THEM5: variants seen among roughly 807,000 people sequenced by gnomAD.
The protein encoded by THEM5 is thioesterase superfamily member 5.
THEM5 carries 28 observed loss-of-function variants against 24.2 expected under a neutral mutation model. The observed-to-expected ratio is 1.16, with a 90% CI of 0.86 to 1.59. The LOEUF (loss-of-function observed/expected upper bound fraction) is 1.59, where lower values mean the gene tolerates loss of function less well. THEM5 is among the 40% of genes most tolerant of loss of function. The pLI is 0.00. For missense variants in THEM5, 260 were observed against 296.8 expected, an observed-to-expected ratio of 0.88 and a Z score of 0.91; for synonymous variants, 87 against 114.5, an observed-to-expected ratio of 0.76 and a Z score of 1.53.
intron 4 of THEM5, 48 bp downstream of exon 4, chr1:151,848,134 A>G (rs572080684): frequency 8.8e-6 from 14 of 1,589,066 alleles, no homozygotes; most frequent in Non-Finnish European, 1.1e-5. Context: ...ACTTCCAGGG[A>G]TGAAAAGGTC....
chr1:151,852,293 C>A lies in THEM5; in HGVS notation c.290G>T (p.Gly97Val). Residue 97 changes from glycine (G) to valine (V), a missense_variant, in exon 2 of 6, where the codon GGA becomes GTA. Physicochemically the swap from Gly to Val is moderately radical, Grantham distance 109 (BLOSUM62 -3). Transcript: ENST00000368817. ...TGCCAGTCCAGATGGGAGCTTGAGTCCCCGGATGTGGTCTCTGTTGGACTT... is the reference window on the plus strand; with the variant it reads ...TGCCAGTCCAGATGGGAGCTTGAGTACCCGGATGTGGTCTCTGTTGGACTT... ...SFKSNRDHIR[G>V]LKLPSGLAVS... 4 of 1,613,894 alleles carry A rather than the reference C, an allele frequency of 2.5e-6. No homozygotes were observed. Among genetic ancestry groups the A allele is most frequent in the Non-Finnish European group, 3.4e-6 (4 of 1,180,000 alleles).
At chr1:151,851,275 G>T in intron 2 of THEM5, 84 bp from the exon 3 acceptor site, 1 of 1,568,824 alleles carries the variant, frequency 6.4e-7, no homozygotes, top group Non-Finnish European at 8.7e-7. Flanking sequence ...CTTGCCTCTG[G>T]TACAAGATTA....
Position 151,848,222 on chromosome 1 carries a change from C to T in THEM5, c.535G>A (p.Glu179Lys). 6.2e-7 allele frequency: 1 copy of T among 1,614,234 alleles called. No individual in the cohort carries two copies. The highest frequency in any genetic ancestry group is 2.2e-5 in the East Asian group (1 of 44,882). Reference protein sequence around the residue: ...TFSKTAFLAGEGLFTLSLNIR... With the variant: ...TFSKTAFLAGKGLFTLSLNIR... The stretch of plus-strand genomic sequence containing the variant: ...TTGAGACTTAGTGTGAACAGCCCCT[C>T]TCCAGCCAGGAAGGCAGTTTTAGAA... Residue 179 changes from glutamate (E) to lysine (K), a missense_variant, in exon 4 of 6, where the codon GAG becomes AAG. Glu to Lys is a moderately conservative substitution (Grantham distance 56). Coordinates refer to ENST00000368817, the MANE Select transcript of THEM5 (RefSeq NM_182578.4).
In THEM5 at chr1:151,850,985, G is replaced by C; in HGVS notation, c.464+68C>G. The stretch of plus-strand genomic sequence containing the variant: ...AAGATAGAGACTCCAGGGCCAGCCT[G>C]GTGGGTGCTGAACCTGCCCTGCTGA... On this transcript the variant is annotated intron_variant, in intron 3 of 5. Coordinates refer to ENST00000368817, the MANE Select transcript of THEM5 (RefSeq NM_182578.4). 3 of 1,591,170 alleles carry C rather than the reference G, an allele frequency of 1.9e-6. No homozygotes were observed. In the Admixed American group the frequency reaches 5.2e-5, roughly 28 times the overall value.
At position 151,847,172 on chromosome 1, in the gene THEM5, C is replaced by T. The variant is rs1267195637; in HGVS notation, c.*199G>A. ...CGCCTCACCAATTGCTGCTTGAGGA[C>T]CCCTCCCTGCTCTTTGATGGGTCCC... On this transcript the variant is annotated 3_prime_UTR_variant, in exon 6 of 6. Transcript: ENST00000368817. The T allele has an allele frequency of 1.2e-6, 1 of 808,386 alleles. No individual in the cohort carries two copies. Among genetic ancestry groups the T allele is most frequent in the Non-Finnish European group, 2.1e-6 (1 of 466,530 alleles). The allele number at this position is 808,386 out of a possible 1,614,324, so 50.1% of individuals were successfully genotyped here.
In THEM5 at chr1:151,847,513, G is replaced by A. The variant is rs896157067; in HGVS notation, c.701-99C>T. 27 of 1,516,266 alleles carry A rather than the reference G, an allele frequency of 1.8e-5. No individual in the cohort carries two copies. In the African/African-American group the frequency reaches 3.3e-4, roughly 19 times the overall value. 93.9% of individuals were successfully genotyped at this position (1,516,266 alleles called of 1,614,324 possible). A position where few individuals can be genotyped will look rare whatever the true frequency, so the allele number is the denominator to read the frequency against. On this transcript the variant is annotated intron_variant, in intron 5 of 5. Coordinates refer to ENST00000368817, the MANE Select transcript of THEM5 (RefSeq NM_182578.4). ...TTGGCTGCAAATTACCCATTACCTG[G>A]GTCCTGTCCTTTCGTTACAGGTTGG...
intron 3 of THEM5, 103 bp downstream of exon 3, chr1:151,850,950 C>G: frequency 7.0e-7 from 1 of 1,433,502 alleles, no homozygotes; most frequent in Non-Finnish European, 9.4e-7. Context: ...CCTTCCTCAC[C>G]CCTTAGAGAA....
At chr1:151,849,968 A>G (rs760305630) in intron 3 of THEM5, among the ~76,000 whole-genome samples, 4 of 152,180 alleles carry the variant, frequency 2.6e-5, no homozygotes, top group Non-Finnish European at 4.4e-5. Flanking sequence ...AAAGTCAGCC[A>G]TGCTTCAGAA....
At chr1:151,848,328 C>T (rs747019350) in intron 3 of THEM5, 36 bp from the exon 4 acceptor site, 2 of 1,551,822 alleles carry the variant, frequency 1.3e-6, no homozygotes, top group Non-Finnish European at 1.8e-6. Flanking sequence ...AAGGCCTGGG[C>T]TGGGGCTGCT....
chr1:151,848,830 A>C (rs1653025422), intron 3 of THEM5, among the ~76,000 whole-genome samples: 2 of 152,256 alleles, frequency 1.3e-5, no homozygotes, highest in Non-Finnish European at 1.5e-5. Context: ...ACTTCTGAGC[A>C]GCGTTGCCAC....
In THEM5 at chr1:151,847,886, C is replaced by T. The variant is rs758550010; in HGVS notation, c.576-24G>A. 1.8e-5 allele frequency: 29 copies of T among 1,613,376 alleles called. No individual in the cohort carries two copies. In the East Asian group the frequency reaches 3.6e-4, roughly 20 times the overall value. ...AGCTGGGAGACGAGGCAGCTTAGCC[C>T]ATCTCTCATGTGAACCCGGTTCCCC... On this transcript the variant is annotated intron_variant, in intron 4 of 5. Transcript: ENST00000368817.
intron 3 of THEM5, 75 bp downstream of exon 3, chr1:151,850,977 GC>G (rs1653099484): frequency 6.4e-7 from 1 of 1,570,346 alleles, no homozygotes; most frequent in South Asian, 1.1e-5. Flanking sequence ...AGACTCCAGG[GC>G]CAGCCTGGTG....
intron 2 of THEM5, among the ~76,000 whole-genome samples, 162 bp downstream of exon 2, chr1:151,852,096 A>T (rs989385686): frequency 9.9e-5 from 15 of 152,102 alleles, no homozygotes; most frequent in African/African-American, 3.6e-4. Context: ...GAGACCTGAG[A>T]GGACACCCGC....
chr1:151,848,142 G>T, intron 4 of THEM5, 40 bp downstream of exon 4: 1 of 1,596,118 alleles, frequency 6.3e-7, no homozygotes, highest in South Asian at 1.1e-5. Context: ...GGATGAAAAG[G>T]TCTGTGACTT....
rs757190346 is a variant in THEM5, at chr1:151,847,188, G to A, written c.*183C>T. ...GCTTGAGGACCCCTCCCTGCTCTTT[G>A]ATGGGTCCCAGGCAGGCAGGGGAGG... On this transcript the variant is annotated 3_prime_UTR_variant, in exon 6 of 6. Coordinates refer to ENST00000368817, the MANE Select transcript of THEM5 (RefSeq NM_182578.4). 2.0e-5 allele frequency: 19 copies of A among 933,150 alleles called. No homozygotes were observed. The highest frequency in any genetic ancestry group is 2.9e-5 in the Non-Finnish European group (17 of 579,512). The allele number at this position is 933,150 out of a possible 1,614,324, so 57.8% of individuals were successfully genotyped here. A position where few individuals can be genotyped will look rare whatever the true frequency, so the allele number is the denominator to read the frequency against.
chr1:151,849,167 T>C (rs1352342697), intron 3 of THEM5, among the ~76,000 whole-genome samples: 4 of 150,782 alleles, frequency 2.7e-5, no homozygotes, highest in African/African-American at 9.8e-5. Flanking sequence ...TGCAGTGAGC[T>C]GAGATTGTGC....
intron 3 of THEM5, among the ~76,000 whole-genome samples, chr1:151,849,693 G>A (rs1371292169): frequency 6.6e-6 from 1 of 152,170 alleles, no homozygotes. Context: ...GAAAGAGAGT[G>A]AAAAGAGTTG....
rs775909654 is a variant in THEM5, at chr1:151,852,343, G to A, written c.240C>T (p.Ser80=). 4.6e-5 allele frequency: 74 copies of A among 1,614,010 alleles called. No homozygotes were observed. Among genetic ancestry groups the A allele is most frequent in the Non-Finnish European group, 5.2e-5 (61 of 1,180,032 alleles). Reference sequence around the variant, plus strand: ...TGAAGGAGGGCAGCTTGATCCAGCCGCTAGACTTAGTCTTCTCCAGAAATT... The same window carrying A: ...TGAAGGAGGGCAGCTTGATCCAGCCACTAGACTTAGTCTTCTCCAGAAATT... ...YQEFLEKTKS[S]GWIKLPSFKS... The change falls in exon 2 of 6, where the codon AGC becomes AGT. Residue 80 remains serine, a synonymous_variant. Coordinates refer to ENST00000368817, the MANE Select transcript of THEM5 (RefSeq NM_182578.4).
At chr1:151,852,229 G>A in intron 2 of THEM5, 29 bp downstream of exon 2, 1 of 1,605,704 alleles carries the variant, frequency 6.2e-7, no homozygotes, top group Non-Finnish European at 8.5e-7. Context: ...GGGCGGCTGG[G>A]GTGTGTGTAC....
Sources: allele counts gnomAD v4.1 joint callset (sites outside exome capture counted in the v4.1 genomes callset), GRCh38; gene constraint gnomAD v4.1.1; transcripts MANE v1.5; gene names NCBI Gene and HGNC (gene_info 2026-07-23, HGNC 2026-07-21).